Variants in CADPS2 observed in about 807,000 individuals in gnomAD.
CADPS2 encodes calcium-dependent secretion activator 2.
CADPS2 carries 93 observed loss-of-function variants against 172.5 expected under a neutral mutation model. The observed-to-expected ratio is 0.54, with a 90% CI of 0.46 to 0.64. CADPS2 has a LOEUF of 0.64. CADPS2 is among the 30% of genes least tolerant of loss of function. The probability of loss-of-function intolerance (pLI) is 0.00; values close to 1 mark genes in which losing one functional copy is unlikely to be tolerated. For missense variants in CADPS2, 1,420 were observed against 1,565.9 expected (o/e 0.91, Z 1.57); for synonymous variants, 546 against 555.2 (o/e 0.98, Z 0.23).
At position 122,581,208 on chromosome 7, in the gene CADPS2, G is replaced by C. The variant is rs1038115294; in HGVS notation, c.1306C>G (p.Leu436Val). ...VKLFTESTGV[L>V]ALEDKELGRV... is the part of the protein sequence containing the mutation. ...CCCAGTTCTTTATCTTCCAGGGCCA[G>C]AACTCCAGTGCTTTCTGTGAAGAGT... The change falls in exon 7 of 30, where the codon CTG becomes GTG. Residue 436 changes from leucine (L) to valine (V), a missense_variant. By Grantham distance (32) the Leu-to-Val change is conservative. Transcript: ENST00000449022. 1 of 1,613,238 alleles carries C rather than the reference G, an allele frequency of 6.2e-7. No individual in the cohort carries two copies. Among genetic ancestry groups the C allele is most frequent in the Non-Finnish European group, 8.5e-7 (1 of 1,179,414 alleles).
intron 9 of CADPS2, among the ~76,000 whole-genome samples, chr7:122,505,678 A>T (rs1477086331): frequency 6.6e-6 from 1 of 152,214 alleles, no homozygotes; most frequent in African/African-American, 2.4e-5. Flanking sequence ...GACAATTAGG[A>T]AATGTGAGCC....
intron 17 of CADPS2, among the ~76,000 whole-genome samples, chr7:122,437,729 G>T (rs1454787988): frequency 6.6e-6 from 1 of 151,280 alleles, no homozygotes; most frequent in Non-Finnish European, 1.5e-5. Flanking sequence ...CTGATTTTGT[G>T]ACTTTGCCAC....
intron 6 of CADPS2, among the ~76,000 whole-genome samples, chr7:122,605,797 A>C (rs533522421): frequency 6.6e-6 from 1 of 152,300 alleles, no homozygotes; most frequent in South Asian, 2.1e-4. Flanking sequence ...CATTTATTAG[A>C]TATGCATCTC....
intron 11 of CADPS2, among the ~76,000 whole-genome samples, chr7:122,489,032 C>T (rs574793818): frequency 6.6e-6 from 1 of 152,008 alleles, no homozygotes; most frequent in East Asian, 1.9e-4. Flanking sequence ...GATGACAATG[C>T]TACTAATTTT....
intron 11 of CADPS2, among the ~76,000 whole-genome samples, chr7:122,489,059 A>G (rs1022419809): frequency 6.6e-6 from 1 of 152,216 alleles, no homozygotes; most frequent in African/African-American, 2.4e-5. Flanking sequence ...GAAATTTTAA[A>G]TCAATGAAAA....
intron 17 of CADPS2, among the ~76,000 whole-genome samples, chr7:122,417,781 C>A (rs1237221720): frequency 1.3e-5 from 2 of 152,138 alleles, no homozygotes; most frequent in Non-Finnish European, 2.9e-5. Flanking sequence ...CTAGGGGAGA[C>A]ATCGGGGGAA....
rs531362816 is a variant in CADPS2, at chr7:122,882,946, C to T, written c.339+3053G>A. On this transcript the variant is annotated intron_variant, in intron 1 of 29. Coordinates refer to ENST00000449022, the MANE Select transcript of CADPS2 (RefSeq NM_017954.11). ...TTAGGAGGTGTAGCACCTGGAAAGG[C>T]ACTCTGTCACAGTGTGTAGCCCATA... Among the ~76,000 whole-genome samples the T allele has an allele frequency of 3.3e-5, 5 of 152,232 alleles. No individual in the cohort carries two copies. The East Asian group carries it at 9.7e-4, about 29-fold the overall frequency.
intron 2 of CADPS2, among the ~76,000 whole-genome samples, chr7:122,701,138 T>C (rs1352575901): frequency 1.3e-5 from 2 of 152,118 alleles, no homozygotes; most frequent in African/African-American, 4.8e-5. Flanking sequence ...GTCACAATCC[T>C]AGTAACTTGA....
rs2045710141 is a variant in CADPS2, at chr7:122,399,841, T to C, written c.2747-6259A>G. Reference sequence around the variant, plus strand: ...AGCTGGGACTACAGGCGCCCGCCACTACGCCCGGCTAACTTTTTGTATTTT... The same window carrying C: ...AGCTGGGACTACAGGCGCCCGCCACCACGCCCGGCTAACTTTTTGTATTTT... On this transcript the variant is annotated intron_variant, in intron 20 of 29. Transcript: ENST00000449022. 2.6e-5 allele frequency among the ~76,000 whole-genome samples: 4 copies of C among 151,026 alleles called. No homozygotes were observed. In the East Asian group the frequency reaches 8.0e-4, roughly 30 times the overall value.
intron 2 of CADPS2, among the ~76,000 whole-genome samples, chr7:122,720,315 A>C (rs2090207597): frequency 6.6e-6 from 1 of 152,000 alleles, no homozygotes; most frequent in Non-Finnish European, 1.5e-5. Context: ...TTAAAAACAC[A>C]TGAAAATAGT....
At chr7:122,844,311 T>C (rs1043389815) in intron 1 of CADPS2, among the ~76,000 whole-genome samples, 2 of 152,236 alleles carry the variant, frequency 1.3e-5, no homozygotes, top group African/African-American at 4.8e-5. Flanking sequence ...CGCCCTTTCA[T>C]AGTTTTAAAG....
intron 25 of CADPS2, among the ~76,000 whole-genome samples, chr7:122,377,445 T>G (rs1050438796): frequency 2.6e-5 from 4 of 152,166 alleles, no homozygotes; most frequent in African/African-American, 7.2e-5. Flanking sequence ...CCTTGCTGCC[T>G]GATAAACCTT....
At chr7:122,536,692 A>G (rs1327145412) in intron 8 of CADPS2, among the ~76,000 whole-genome samples, 1 of 152,074 alleles carries the variant, frequency 6.6e-6, no homozygotes, top group East Asian at 1.9e-4. Context: ...TGGGATGTCA[A>G]GGGGAAAAGA....
At chr7:122,399,963 C>T (rs1440040689) in intron 20 of CADPS2, among the ~76,000 whole-genome samples, 8 of 146,568 alleles carry the variant, frequency 5.5e-5, no homozygotes, top group Non-Finnish European at 1.2e-4. Context: ...CGTGAGCCAC[C>T]GCGCCCGGCC....
At chr7:122,794,349 C>A (rs138630525) in intron 1 of CADPS2, among the ~76,000 whole-genome samples, 2 of 152,038 alleles carry the variant, frequency 1.3e-5, no homozygotes, top group East Asian at 3.9e-4. Context: ...TTCAGAAAGC[C>A]AGACTTCAAG....
Position 122,441,139 on chromosome 7 carries a change from C to T in CADPS2, c.2352+373G>A, listed in dbSNP as rs76761231. Among the ~76,000 whole-genome samples the T allele has an allele frequency of 4.3e-3, 647 of 151,796 alleles. 4 individuals are homozygous for T. Among genetic ancestry groups the T allele is most frequent in the Non-Finnish European group, 7.2e-3 (490 of 67,948 alleles). On this transcript the variant is annotated intron_variant, in intron 16 of 29. Coordinates refer to ENST00000449022, the MANE Select transcript of CADPS2 (RefSeq NM_017954.11). Reference sequence around the variant, plus strand: ...GATAAACTTGTTGGCATGAGGACTACGACAGGTAGAAGTACAAATAAAGTT... The same window carrying T: ...GATAAACTTGTTGGCATGAGGACTATGACAGGTAGAAGTACAAATAAAGTT...
intron 1 of CADPS2, chr7:122,850,254 C>A: frequency 1.0e-6 from 1 of 986,836 alleles, no homozygotes; most frequent in Non-Finnish European, 1.4e-6. Context: ...CCAGCTCCTG[C>A]TCCACTGGGG....
At chr7:122,864,327 A>C (rs1297077768) in intron 1 of CADPS2, among the ~76,000 whole-genome samples, 1 of 152,118 alleles carries the variant, frequency 6.6e-6, no homozygotes, top group Non-Finnish European at 1.5e-5. Flanking sequence ...CAAAAAAAAT[A>C]AAATTAGCCA....
At chr7:122,839,153 A>C (rs1266701087) in intron 1 of CADPS2, among the ~76,000 whole-genome samples, 1 of 152,206 alleles carries the variant, frequency 6.6e-6, no homozygotes, top group Non-Finnish European at 1.5e-5. Flanking sequence ...ATCTTTGAGA[A>C]ACCTGACAAA....
Sources: allele counts gnomAD v4.1 joint callset (sites outside exome capture counted in the v4.1 genomes callset), GRCh38; gene constraint gnomAD v4.1.1; transcripts MANE v1.5; gene names NCBI Gene and HGNC (gene_info 2026-07-23, HGNC 2026-07-21).